The following CMAS variants were observed in gnomAD, a reference collection of about 807,000 sequenced individuals.
The protein encoded by CMAS is N-acylneuraminate cytidylyltransferase.
A neutral mutation model predicts 53.4 loss-of-function variants in CMAS; 21 were observed. The observed-to-expected ratio is 0.39, with a 90% confidence interval of 0.28 to 0.57. The LOEUF is 0.57. Ranked by LOEUF, CMAS falls within the 20% of genes least tolerant of loss-of-function variation. The pLI is 0.56. For synonymous variants in CMAS, 189 were observed against 195.2 expected (o/e 0.97, Z 0.27); for missense variants, 384 against 534.9 (o/e 0.72, Z 2.78).
At chr12:22,053,978 G>C (rs1048984249) in intron 1 of CMAS, among the ~76,000 whole-genome samples, 7 of 149,962 alleles carry the variant, frequency 4.7e-5, no homozygotes, top group Non-Finnish European at 1.0e-4. Context: ...TCAGGCTGGA[G>C]TGCAGTGGCG....
intron 4 of CMAS, 138 bp downstream of exon 4, chr12:22,058,838 T>TG: frequency 1.0e-6 from 1 of 997,442 alleles, no homozygotes; most frequent in Non-Finnish European, 1.4e-6. Context: ...GCCAACAACA[T>TG]TTGCTATCTG....
At chr12:22,056,090 A>G (rs1043824759) in intron 3 of CMAS, among the ~76,000 whole-genome samples, 6 of 152,174 alleles carry the variant, frequency 3.9e-5, no homozygotes, top group Non-Finnish European at 8.8e-5. Flanking sequence ...TGTGCTATAA[A>G]TCTTATCCAG....
chr12:22,060,266 G>C (rs1275904202), intron 4 of CMAS, among the ~76,000 whole-genome samples: 1 of 144,692 alleles, frequency 6.9e-6, no homozygotes, highest in Non-Finnish European at 1.5e-5. Flanking sequence ...CTTAAATAGG[G>C]AACTTGAACT....
intron 7 of CMAS, among the ~76,000 whole-genome samples, chr12:22,064,347 A>G (rs183667974): frequency 2.0e-5 from 3 of 152,138 alleles, no homozygotes; most frequent in Non-Finnish European, 4.4e-5. Flanking sequence ...ATCTATTTTT[A>G]TTCTTTAAAA....
Position 22,046,254 on chromosome 12 carries a change from G to A in CMAS, c.-50G>A, listed in dbSNP as rs754534693. The A allele has an allele frequency of 7.2e-7, 1 of 1,397,670 alleles. No individual in the cohort carries two copies. Among genetic ancestry groups the A allele is most frequent in the South Asian group, 1.6e-5 (1 of 63,078 alleles). The allele number at this position is 1,397,670 out of a possible 1,614,324, so 86.6% of individuals were successfully genotyped here. Reference sequence around the variant, plus strand: ...GGGCGGCGCCGAGCTGAGGTGGTGAGGGACTAGCTCCCGGATGTGGAGAAG... The same window carrying A: ...GGGCGGCGCCGAGCTGAGGTGGTGAAGGACTAGCTCCCGGATGTGGAGAAG... On this transcript the variant is annotated 5_prime_UTR_variant, in exon 1 of 8. Transcript: ENST00000229329.
chr12:22,050,147 A>G (rs754457500), intron 1 of CMAS, among the ~76,000 whole-genome samples: 1 of 152,202 alleles, frequency 6.6e-6, no homozygotes, highest in Non-Finnish European at 1.5e-5. Context: ...TTTCCCATAC[A>G]TAGCTACGTC....
At chr12:22,056,701 G>A (rs1427774549) in intron 3 of CMAS, among the ~76,000 whole-genome samples, 1 of 152,062 alleles carries the variant, frequency 6.6e-6, no homozygotes, top group Non-Finnish European at 1.5e-5. Context: ...GAAGCATTAG[G>A]TGGGGAAAAA....
At chr12:22,052,691 C>T (rs1274989672) in intron 1 of CMAS, among the ~76,000 whole-genome samples, 1 of 152,142 alleles carries the variant, frequency 6.6e-6, no homozygotes, top group Non-Finnish European at 1.5e-5. Context: ...TTGACTATGA[C>T]ATTTCCCAAG....
intron 1 of CMAS, among the ~76,000 whole-genome samples, chr12:22,054,697 A>C (rs1306335351): frequency 6.6e-6 from 1 of 151,546 alleles, no homozygotes; most frequent in African/African-American, 2.4e-5. Flanking sequence ...CAAGATCTTT[A>C]ATTTTCTTTA....
rs750299694 is a variant in CMAS, at chr12:22,046,591, G to A, written c.260+28G>A. 3 of 1,500,400 alleles carry A rather than the reference G, an allele frequency of 2.0e-6. No homozygotes were observed. The Admixed American group carries it at 6.7e-5, about 33-fold the overall frequency. 92.9% of individuals were successfully genotyped at this position (1,500,400 alleles called of 1,614,324 possible). A position where few individuals can be genotyped will look rare whatever the true frequency, so the allele number is the denominator to read the frequency against. The stretch of plus-strand genomic sequence containing the variant: ...GCGCATGTGCGAGAGTGGGCGGCGC[G>A]GCCTGGGCGGGGGTCGGGAGAGGGA... On this transcript the variant is annotated intron_variant, in intron 1 of 7. Coordinates refer to ENST00000229329, the MANE Select transcript of CMAS (RefSeq NM_018686.6).
chr12:22,057,222 C>A, intron 3 of CMAS, among the ~76,000 whole-genome samples: 1 of 135,804 alleles, frequency 7.4e-6, no homozygotes, highest in East Asian at 2.3e-4. Context: ...GAGTAACCAG[C>A]TATTACACAC....
intron 1 of CMAS, among the ~76,000 whole-genome samples, chr12:22,051,039 T>C (rs1950237558): frequency 6.6e-6 from 1 of 152,190 alleles, no homozygotes; most frequent in African/African-American, 2.4e-5. Flanking sequence ...CTGTCTGATT[T>C]GTGTTTTTCA....
In CMAS at chr12:22,057,894, C is replaced by T. The variant is rs187716239; in HGVS notation, c.560-673C>T. ...GCTGGATGGAGTACAGTGGCGCAAT[C>T]TCGGCTCACTGCAATCTCCCCCCCC... On this transcript the variant is annotated intron_variant, in intron 3 of 7. Transcript: ENST00000229329. Among the ~76,000 whole-genome samples the T allele has an allele frequency of 3.2e-3, 479 of 150,512 alleles. 8 individuals are homozygous for T. Among genetic ancestry groups the T allele is most frequent in the African/African-American group, 0.011 (444 of 40,990 alleles).
In CMAS at chr12:22,046,441, A is replaced by G; in HGVS notation, c.138A>G (p.Ala46=). Residue 46 remains alanine, a synonymous_variant, in exon 1 of 8, where the codon GCA becomes GCG. Transcript: ENST00000229329. The part of the protein sequence containing the change: ...GRGVEKPPHL[A]ALILARGGSK... Reference sequence around the variant, plus strand: ...GTGTGGAGAAGCCCCCGCACCTGGCAGCCCTAATTCTGGCCCGGGGAGGCA... The same window carrying G: ...GTGTGGAGAAGCCCCCGCACCTGGCGGCCCTAATTCTGGCCCGGGGAGGCA... 2 of 1,609,736 alleles carry G rather than the reference A, an allele frequency of 1.2e-6. No individual in the cohort carries two copies. Among genetic ancestry groups the G allele is most frequent in the South Asian group, 2.2e-5 (2 of 89,878 alleles).
intron 7 of CMAS, among the ~76,000 whole-genome samples, chr12:22,062,749 G>A (rs76803975): frequency 0.044 from 6,726 of 152,196 alleles, 200 homozygotes; most frequent in Middle Eastern, 0.12. Context: ...ACCTATTACC[G>A]TAGGGCTCTG....
chr12:22,055,556 G>A lies in CMAS; in HGVS notation c.505G>A (p.Val169Ile), dbSNP rs1446546921. The A allele has an allele frequency of 1.2e-6, 2 of 1,612,226 alleles. No homozygotes were observed. Among genetic ancestry groups the A allele is most frequent in the Admixed American group, 3.3e-5 (2 of 59,778 alleles). ...EMIREEGYDS[V>I]FSVVRRHQFR... is the part of the protein sequence containing the mutation. ...GATTCGAGAAGAAGGATATGATTCTGTTTTCTCTGTTGTGAGACGCCATCA... is the reference window on the plus strand; with the variant it reads ...GATTCGAGAAGAAGGATATGATTCTATTTTCTCTGTTGTGAGACGCCATCA... The change falls in exon 3 of 8, where the codon GTT (valine) becomes ATT (isoleucine). Residue 169 changes from valine to isoleucine, a missense_variant. Physicochemically the swap from Val to Ile is conservative, Grantham distance 29 (BLOSUM62 3). Transcript: ENST00000229329.
intron 1 of CMAS, among the ~76,000 whole-genome samples, chr12:22,054,887 C>T (rs1184799939): frequency 6.6e-6 from 1 of 152,046 alleles, no homozygotes; most frequent in Non-Finnish European, 1.5e-5. Flanking sequence ...CCACCCTCTA[C>T]CCTCAAGTAG....
chr12:22,062,586 CT>C (rs1037294301), intron 7 of CMAS, 152 bp downstream of exon 7: 12 of 769,372 alleles, frequency 1.6e-5, no homozygotes, highest in Middle Eastern at 2.9e-4. Flanking sequence ...AACTGTTAAA[CT>C]GGGACAGTCT....
intron 4 of CMAS, among the ~76,000 whole-genome samples, chr12:22,059,526 A>G (rs1950293903): frequency 6.6e-6 from 1 of 152,174 alleles, no homozygotes; most frequent in Admixed American, 6.5e-5. Flanking sequence ...ATTTGGATTC[A>G]GGTTCTTATG....
Sources: gnomAD v4.1 joint callset for allele counts (sites outside exome capture counted in the v4.1 genomes callset) on GRCh38, gnomAD v4.1.1 for gene constraint, MANE v1.5 for transcripts, NCBI Gene and HGNC (gene_info 2026-07-23, HGNC 2026-07-21) for gene names.